The following ZFPM2 variants were observed in gnomAD, a reference collection of about 807,000 sequenced individuals.
ZFPM2 encodes zinc finger protein ZFPM2.
In ZFPM2, 20 loss-of-function variants were observed where a neutral mutation model predicts 98.6. That is an observed-to-expected ratio of 0.20 (90% CI 0.14 to 0.29). The LOEUF is 0.29. Ranked by LOEUF, ZFPM2 falls within the 10% of genes least tolerant of loss-of-function variation. The pLI is 1.00. For synonymous variants in ZFPM2, 518 were observed against 502.7 expected (o/e 1.03, Z -0.41); for missense variants, 1,310 against 1,388.6 (o/e 0.94, Z 0.90).
At chr8:105,463,557 G>A (rs1338596563) in intron 3 of ZFPM2, among the ~76,000 whole-genome samples, 2 of 151,878 alleles carry the variant, frequency 1.3e-5, no homozygotes, top group Non-Finnish European at 2.9e-5. Context: ...ATTAACTCAG[G>A]ACAACATGTT....
At chr8:105,730,712 A>G (rs1005828805) in intron 5 of ZFPM2, among the ~76,000 whole-genome samples, 6 of 151,452 alleles carry the variant, frequency 4.0e-5, no homozygotes, top group Non-Finnish European at 7.4e-5. Context: ...CCTGAAGGAA[A>G]CCGTAGAAGA....
chr8:105,538,165 A>G (rs1311360289), intron 3 of ZFPM2, among the ~76,000 whole-genome samples: 1 of 152,104 alleles, frequency 6.6e-6, no homozygotes, highest in African/African-American at 2.4e-5. Context: ...CAGTCTGCAC[A>G]TATTGATTGT....
intron 5 of ZFPM2, among the ~76,000 whole-genome samples, chr8:105,645,925 C>T (rs1175544330): frequency 6.6e-6 from 1 of 151,818 alleles, no homozygotes; most frequent in Non-Finnish European, 1.5e-5. Context: ...TGGTGGCACA[C>T]ACCTGTAGTC....
chr8:105,323,904 C>T (rs1812071843), intron 1 of ZFPM2, among the ~76,000 whole-genome samples: 1 of 151,768 alleles, frequency 6.6e-6, no homozygotes, highest in Non-Finnish European at 1.5e-5. Context: ...CTTCTGGTAA[C>T]TTTCAAAGTA....
At chr8:105,496,431 T>G (rs1183376356) in intron 3 of ZFPM2, among the ~76,000 whole-genome samples, 1 of 152,124 alleles carries the variant, frequency 6.6e-6, no homozygotes, top group Non-Finnish European at 1.5e-5. Flanking sequence ...AGACTGTCTC[T>G]AAATTTGGGT....
rs538259412 is a variant in ZFPM2, at chr8:105,726,811, G to A, written c.533-61907G>A. 1.4e-4 allele frequency among the ~76,000 whole-genome samples: 21 copies of A among 151,802 alleles called. No homozygotes were observed. The South Asian group carries it at 2.5e-3, about 18-fold the overall frequency. On this transcript the variant is annotated intron_variant, in intron 5 of 7. Transcript: ENST00000407775. ...TAAAACATCATGATGGAAGGAGACCGTGAATTAAGTTTTGGAAGTAGAGAA... is the reference window on the plus strand; with the variant it reads ...TAAAACATCATGATGGAAGGAGACCATGAATTAAGTTTTGGAAGTAGAGAA...
chr8:105,382,067 C>T (rs1209013348), intron 1 of ZFPM2, among the ~76,000 whole-genome samples: 3 of 152,096 alleles, frequency 2.0e-5, no homozygotes, highest in Non-Finnish European at 4.4e-5. Context: ...AACACCTGCT[C>T]CTGACCTCCC....
chr8:105,582,760 A>G (rs1815630470), intron 4 of ZFPM2, among the ~76,000 whole-genome samples: 1 of 151,976 alleles, frequency 6.6e-6, no homozygotes, highest in Non-Finnish European at 1.5e-5. Context: ...TCCTTGGCTA[A>G]TTTTTGTATT....
chr8:105,612,263 CA>C (rs1190673727), intron 4 of ZFPM2, among the ~76,000 whole-genome samples: 4 of 151,874 alleles, frequency 2.6e-5, no homozygotes. Flanking sequence ...TACTGCATTT[CA>C]AAAGGGCATT....
chr8:105,534,200 CCTCCCTT>C (rs1814390750), intron 3 of ZFPM2, among the ~76,000 whole-genome samples: 1 of 82,778 alleles, frequency 1.2e-5, no homozygotes, highest in Non-Finnish European at 2.4e-5. Flanking sequence ...TTCCTCCCTC[CCTCCCTT>C]CTTCCTTCTT....
intron 4 of ZFPM2, among the ~76,000 whole-genome samples, chr8:105,603,543 G>A (rs1208829129): frequency 6.6e-6 from 1 of 152,030 alleles, no homozygotes; most frequent in Admixed American, 6.6e-5. Context: ...GGTCCCAGTT[G>A]TAAATGATTA....
intron 1 of ZFPM2, among the ~76,000 whole-genome samples, chr8:105,409,336 C>G (rs1235641159): frequency 6.6e-6 from 1 of 151,852 alleles, no homozygotes; most frequent in Non-Finnish European, 1.5e-5. Context: ...TTTGCATTAT[C>G]CAGGACTCTT....
At chr8:105,713,963 C>G (rs994821423) in intron 5 of ZFPM2, among the ~76,000 whole-genome samples, 2 of 151,900 alleles carry the variant, frequency 1.3e-5, no homozygotes, top group African/African-American at 4.8e-5. Context: ...TCCATATGAA[C>G]TTTCGAATAG....
At chr8:105,586,405 A>ATT (rs147459160) in intron 4 of ZFPM2, among the ~76,000 whole-genome samples, 1 of 151,464 alleles carries the variant, frequency 6.6e-6, no homozygotes, top group Non-Finnish European at 1.5e-5. Context: ...TTGTGCTGGA[A>ATT]TTTTTTTATT....
At position 105,606,083 on chromosome 8, in the gene ZFPM2, A is replaced by G. The variant is rs547713112; in HGVS notation, c.421-28163A>G. Among the ~76,000 whole-genome samples, 4 of 152,214 alleles carry G rather than the reference A, an allele frequency of 2.6e-5. No homozygotes were observed. The South Asian group carries it at 8.3e-4, about 32-fold the overall frequency. ...CTCTCATTGAGGATAGCTTCTTTTTAAAATTCTCACATATTTTTATTTATA... is the reference window on the plus strand; with the variant it reads ...CTCTCATTGAGGATAGCTTCTTTTTGAAATTCTCACATATTTTTATTTATA... On this transcript the variant is annotated intron_variant, in intron 4 of 7. Transcript: ENST00000407775.
intron 2 of ZFPM2, among the ~76,000 whole-genome samples, chr8:105,424,274 T>G (rs953744969): frequency 6.6e-6 from 1 of 152,154 alleles, no homozygotes; most frequent in Non-Finnish European, 1.5e-5. Context: ...GATTTTAAAA[T>G]AAAGGCCAGA....
At chr8:105,393,337 C>CTGTCTTTCTTTCTTTCTTTCTTTCTTT (rs1554600680) in intron 1 of ZFPM2, among the ~76,000 whole-genome samples, 2 of 114,774 alleles carry the variant, frequency 1.7e-5, no homozygotes, top group African/African-American at 6.4e-5. Flanking sequence ...TCTCTCTTTG[C>CTGTCTTTCTTTCTTTCTTTCTTTCTTT]CTTTCTTTCT....
chr8:105,647,259 A>T (rs1271422010), intron 5 of ZFPM2, among the ~76,000 whole-genome samples: 1 of 151,952 alleles, frequency 6.6e-6, no homozygotes, highest in African/African-American at 2.4e-5. Flanking sequence ...TGCCCTTATC[A>T]CCTTGTTTTC....
At chr8:105,729,996 G>A (rs895974873) in intron 5 of ZFPM2, among the ~76,000 whole-genome samples, 6 of 151,326 alleles carry the variant, frequency 4.0e-5, no homozygotes, top group African/African-American at 1.5e-4. Flanking sequence ...TGTTCCTGCT[G>A]TGAGTTTCAT....
Sources: allele counts gnomAD v4.1 joint callset (sites outside exome capture counted in the v4.1 genomes callset), GRCh38; gene constraint gnomAD v4.1.1; transcripts MANE v1.5; gene names NCBI Gene and HGNC (gene_info 2026-07-23, HGNC 2026-07-21).